Variants in SCFD1 observed in about 807,000 individuals in gnomAD.
The protein encoded by SCFD1 is sec1 family domain-containing protein 1.
A neutral mutation model predicts 103.2 loss-of-function variants in SCFD1; 37 were observed. The observed-to-expected ratio is 0.36, with a 90% CI of 0.28 to 0.47. The LOEUF is 0.47. Among genes scored for constraint, SCFD1 ranks in the 20% least tolerant of loss-of-function variants. The pLI is 1.00. For missense variants in SCFD1, 639 were observed against 761.2 expected (o/e 0.84, Z 1.89); for synonymous variants, 264 against 245.0 (o/e 1.08, Z -0.73).
intron 23 of SCFD1, among the ~76,000 whole-genome samples, chr14:30,732,143 C>G (rs1420414039): frequency 6.6e-6 from 1 of 152,156 alleles, no homozygotes; most frequent in Admixed American, 6.5e-5. Flanking sequence ...GCATAAAAAT[C>G]CAACCGATTT....
intron 23 of SCFD1, among the ~76,000 whole-genome samples, chr14:30,732,348 C>A (rs1384370501): frequency 6.6e-6 from 1 of 152,162 alleles, no homozygotes; most frequent in Admixed American, 6.5e-5. Flanking sequence ...GAGCAGACAT[C>A]CTTGTCTTCT....
At chr14:30,694,518 A>C (rs1321799438) in intron 14 of SCFD1, among the ~76,000 whole-genome samples, 1 of 152,040 alleles carries the variant, frequency 6.6e-6, no homozygotes, top group Non-Finnish European at 1.5e-5. Flanking sequence ...TAAAAAAAAA[A>C]TACGGAAAAA....
At chr14:30,708,589 T>C (rs1284167986) in intron 19 of SCFD1, among the ~76,000 whole-genome samples, 1 of 152,210 alleles carries the variant, frequency 6.6e-6, no homozygotes, top group Non-Finnish European at 1.5e-5. Flanking sequence ...GTATTTACCA[T>C]CAGGTTGTTG....
intron 10 of SCFD1, among the ~76,000 whole-genome samples, chr14:30,658,603 G>T (rs113614310): frequency 2.6e-5 from 4 of 152,124 alleles, no homozygotes; most frequent in Admixed American, 2.6e-4. Context: ...ATGTTAGCCA[G>T]ACTGCTCTAG....
intron 14 of SCFD1, among the ~76,000 whole-genome samples, chr14:30,691,501 T>G (rs967125513): frequency 4.6e-5 from 7 of 152,232 alleles, no homozygotes; most frequent in African/African-American, 1.4e-4. Flanking sequence ...AGTTCTCTTA[T>G]GCAGGTTAGA....
intron 9 of SCFD1, among the ~76,000 whole-genome samples, chr14:30,653,089 A>G (rs1302181837): frequency 6.6e-6 from 1 of 152,194 alleles, no homozygotes; most frequent in African/African-American, 2.4e-5. Flanking sequence ...TAATTGTGTG[A>G]CCACGTTAAA....
intron 14 of SCFD1, among the ~76,000 whole-genome samples, chr14:30,692,217 G>A (rs550790948): frequency 2.6e-5 from 4 of 152,148 alleles, no homozygotes; most frequent in South Asian, 2.1e-4. Flanking sequence ...TCTTAGTTTC[G>A]AAATTCAGCA....
intron 10 of SCFD1, among the ~76,000 whole-genome samples, chr14:30,663,343 C>A (rs983901550): frequency 1.3e-5 from 2 of 152,098 alleles, no homozygotes; most frequent in Non-Finnish European, 2.9e-5. Context: ...TCTTCAATAT[C>A]TTTTATTTTG....
intron 1 of SCFD1, among the ~76,000 whole-genome samples, chr14:30,625,049 A>G (rs1303785438): frequency 6.6e-6 from 1 of 151,974 alleles, no homozygotes; most frequent in Non-Finnish European, 1.5e-5. Flanking sequence ...TCTTCAAAGC[A>G]CTTACCATGA....
At chr14:30,717,717 C>A (rs1892375391) in intron 20 of SCFD1, among the ~76,000 whole-genome samples, 1 of 151,686 alleles carries the variant, frequency 6.6e-6, no homozygotes, top group Admixed American at 6.6e-5. Flanking sequence ...CATGGTGAAA[C>A]CCCGTCTCTA....
At position 30,640,683 on chromosome 14, in the gene SCFD1, GT is replaced by G. The variant is rs138494963; in HGVS notation, c.523+828del. ...ATTAATAAATTCAGAATATTAAGTG[GT>G]TTTTTTTTAGGTACTGTACTTCATA... On this transcript the variant is annotated intron_variant, in intron 6 of 24. Coordinates refer to ENST00000458591, the MANE Select transcript of SCFD1 (RefSeq NM_016106.4). Among the ~76,000 whole-genome samples the G allele has an allele frequency of 1.1e-4, 17 of 150,782 alleles. No homozygotes were observed. In the East Asian group the frequency reaches 1.7e-3, roughly 15 times the overall value.
At chr14:30,733,010 CTTTTTTT>C (rs544945622) in intron 23 of SCFD1, among the ~76,000 whole-genome samples, 48 of 141,838 alleles carry the variant, frequency 3.4e-4, no homozygotes, top group African/African-American at 1.2e-3. Flanking sequence ...ATTTTTTTTT[CTTTTTTT>C]TTTTTTGAGA....
intron 10 of SCFD1, chr14:30,658,250 C>A: frequency 3.4e-6 from 1 of 290,188 alleles, no homozygotes. Flanking sequence ...AACATTAAAT[C>A]GGAAGTTATA....
chr14:30,629,220 G>T lies in SCFD1; in HGVS notation c.132+941G>T, dbSNP rs186886415. On this transcript the variant is annotated intron_variant, in intron 2 of 24. Coordinates refer to ENST00000458591, the MANE Select transcript of SCFD1 (RefSeq NM_016106.4). ...TTAAAATTAATAATACACATGTATT[G>T]AGATTAAAAGAGGGAAGATTTTTGA... 2.0e-3 allele frequency among the ~76,000 whole-genome samples: 299 copies of T among 152,226 alleles called. 1 individual carries two copies. Among genetic ancestry groups the T allele is most frequent in the African/African-American group, 7.0e-3 (289 of 41,536 alleles).
intron 15 of SCFD1, among the ~76,000 whole-genome samples, chr14:30,695,669 G>A (rs1890644732): frequency 1.3e-5 from 2 of 152,102 alleles, no homozygotes; most frequent in African/African-American, 4.8e-5. Context: ...AGGAGTTTGA[G>A]ACCAGCCTAG....
chr14:30,699,637 T>C (rs770655771), intron 15 of SCFD1, among the ~76,000 whole-genome samples: 1 of 152,184 alleles, frequency 6.6e-6, no homozygotes, highest in African/African-American at 2.4e-5. Flanking sequence ...CCCATTCTTA[T>C]AGTAATATAA....
At chr14:30,670,626 G>A (rs957241922) in intron 11 of SCFD1, among the ~76,000 whole-genome samples, 1 of 151,954 alleles carries the variant, frequency 6.6e-6, no homozygotes, top group East Asian at 1.9e-4. Flanking sequence ...TCCTTTCAAT[G>A]AGATCATCCT....
intron 10 of SCFD1, among the ~76,000 whole-genome samples, chr14:30,667,432 A>C (rs1017685899): frequency 6.6e-6 from 1 of 152,210 alleles, no homozygotes; most frequent in Non-Finnish European, 1.5e-5. Context: ...ATTTATGACA[A>C]ACCTACAGCC....
intron 23 of SCFD1, among the ~76,000 whole-genome samples, chr14:30,726,421 A>C (rs940593399): frequency 6.6e-6 from 1 of 152,236 alleles, no homozygotes; most frequent in African/African-American, 2.4e-5. Context: ...TCATTTGGTC[A>C]TAGGATGTGT....
Sources: allele counts gnomAD v4.1 joint callset (sites outside exome capture counted in the v4.1 genomes callset), GRCh38; gene constraint gnomAD v4.1.1; transcripts MANE v1.5; gene names NCBI Gene and HGNC (gene_info 2026-07-23, HGNC 2026-07-21).